DDHD1: variants seen among roughly 807,000 people sequenced by gnomAD.
The protein encoded by DDHD1 is DDHD domain containing 1.
In DDHD1, 49 loss-of-function variants were observed where a neutral mutation model predicts 96.4. That is an observed-to-expected ratio of 0.51 (90% confidence interval 0.40 to 0.64). DDHD1 has a LOEUF of 0.64. DDHD1 is among the 30% of genes least tolerant of loss of function. The probability of loss-of-function intolerance (pLI) is 0.00; values close to 1 mark genes in which losing one functional copy is unlikely to be tolerated. For missense variants in DDHD1, 1,106 were observed against 1,161.2 expected, an observed-to-expected ratio of 0.95 and a Z score of 0.69; for synonymous variants, 442 against 446.5, an observed-to-expected ratio of 0.99 and a Z score of 0.13.
intron 4 of DDHD1, among the ~76,000 whole-genome samples, chr14:53,082,610 T>C (rs1315520232): frequency 6.6e-6 from 1 of 151,724 alleles, no homozygotes. Flanking sequence ...AATACAAAAA[T>C]TAGCCGGGTG....
Position 53,152,376 on chromosome 14 carries a change from C to A in DDHD1, c.723G>T (p.Thr241=). 6.2e-7 allele frequency: 1 copy of A among 1,613,860 alleles called. No homozygotes were observed. The highest frequency in any genetic ancestry group is 2.2e-5 in the East Asian group (1 of 44,864). ...EDRACGFCQS[T]TGHEPEMVEL... Reference sequence around the variant, plus strand: ...CCACCATCTCCGGCTCGTGCCCCGTCGTACTCTGGCAGAAGCCGCAGGCGC... The same window carrying A: ...CCACCATCTCCGGCTCGTGCCCCGTAGTACTCTGGCAGAAGCCGCAGGCGC... The change falls in exon 1 of 13, where the codon ACG becomes ACT. Residue 241 remains threonine (T), a synonymous_variant. Transcript: ENST00000673822.
chr14:53,060,017 A>T (rs1028645330), intron 8 of DDHD1, among the ~76,000 whole-genome samples: 1 of 151,782 alleles, frequency 6.6e-6, no homozygotes, highest in Non-Finnish European at 1.5e-5. Flanking sequence ...TATTTTTTTT[A>T]AAAAAACACT....
Position 53,046,651 on chromosome 14 carries a change from G to T in DDHD1, c.*117C>A. On this transcript the variant is annotated 3_prime_UTR_variant, in exon 13 of 13. Coordinates refer to ENST00000673822, the MANE Select transcript of DDHD1 (RefSeq NM_001160148.2). ...AAAGTGCTTTTAAATTCAAATATAT[G>T]TTGCCCTAAAGAAAACTGAAATATA... 1.7e-6 allele frequency: 1 copy of T among 584,808 alleles called. No homozygotes were observed. Among genetic ancestry groups the T allele is most frequent in the Non-Finnish European group, 2.8e-6 (1 of 363,246 alleles). 36.2% of individuals were successfully genotyped at this position (584,808 alleles called of 1,614,324 possible).
At chr14:53,113,457 C>T (rs1475865742) in intron 1 of DDHD1, among the ~76,000 whole-genome samples, 1 of 148,600 alleles carries the variant, frequency 6.7e-6, no homozygotes, top group African/African-American at 2.5e-5. Flanking sequence ...GGAGGAGAGG[C>T]CAAGATGGCC....
intron 2 of DDHD1, 77 bp downstream of exon 2, chr14:53,103,606 A>G: frequency 8.2e-7 from 1 of 1,216,306 alleles, no homozygotes; most frequent in African/African-American, 1.6e-5. Context: ...TATTATGTCA[A>G]ATTTACAAAC....
intron 1 of DDHD1, among the ~76,000 whole-genome samples, chr14:53,133,278 T>C (rs1309808782): frequency 6.6e-6 from 1 of 152,202 alleles, no homozygotes; most frequent in Non-Finnish European, 1.5e-5. Flanking sequence ...GAAACTATAA[T>C]ACCTCTTGGT....
chr14:53,085,250 G>C (rs2139970577), intron 4 of DDHD1, among the ~76,000 whole-genome samples: 1 of 152,270 alleles, frequency 6.6e-6, no homozygotes, highest in Middle Eastern at 3.4e-3. Flanking sequence ...ATCCCTGTCT[G>C]ACAGCTCTGA....
At chr14:53,068,927 A>G (rs1041422132) in intron 6 of DDHD1, among the ~76,000 whole-genome samples, 3 of 152,082 alleles carry the variant, frequency 2.0e-5, no homozygotes, top group African/African-American at 7.2e-5. Flanking sequence ...TGGTTTTCCA[A>G]CTCCAGGATT....
chr14:53,110,436 T>G (rs958907916), intron 1 of DDHD1, among the ~76,000 whole-genome samples: 3 of 152,242 alleles, frequency 2.0e-5, no homozygotes, highest in Admixed American at 6.5e-5. Flanking sequence ...TGGTTCTTAC[T>G]TCTGTATCTT....
chr14:53,108,960 C>T (rs1327627129), intron 1 of DDHD1, among the ~76,000 whole-genome samples: 3 of 152,100 alleles, frequency 2.0e-5, no homozygotes, highest in African/African-American at 7.2e-5. Flanking sequence ...TTATATTCCT[C>T]TTAAAGTAGC....
At chr14:53,105,556 C>T (rs990774712) in intron 1 of DDHD1, among the ~76,000 whole-genome samples, 1 of 152,120 alleles carries the variant, frequency 6.6e-6, no homozygotes, top group Non-Finnish European at 1.5e-5. Flanking sequence ...CTCTGTCATA[C>T]TGAATAGTTT....
intron 12 of DDHD1, chr14:53,048,866 A>C (rs952923523): frequency 3.9e-5 from 6 of 152,246 alleles, no homozygotes; most frequent in African/African-American, 1.4e-4. Context: ...ATGAATTACA[A>C]AGGAAAAAGA....
At chr14:53,139,493 A>C (rs1890483616) in intron 1 of DDHD1, among the ~76,000 whole-genome samples, 1 of 152,176 alleles carries the variant, frequency 6.6e-6, no homozygotes. Context: ...TGGTGCACTG[A>C]TAGTAAGTAC....
At chr14:53,146,306 T>C (rs1023784460) in intron 1 of DDHD1, among the ~76,000 whole-genome samples, 5 of 151,686 alleles carry the variant, frequency 3.3e-5, no homozygotes, top group African/African-American at 4.8e-5. Flanking sequence ...GAGTTCAAGA[T>C]CAGCCTGGCC....
In DDHD1 at chr14:53,117,600, T is replaced by C. The variant is rs983882145; in HGVS notation, c.839-13744A>G. ...TGTAGCCTGGTGGGGGAAAGGGGCATCTGCCATTGCTGGGGCTTAAGTAGC... is the reference window on the plus strand; with the variant it reads ...TGTAGCCTGGTGGGGGAAAGGGGCACCTGCCATTGCTGGGGCTTAAGTAGC... On this transcript the variant is annotated intron_variant, in intron 1 of 12. Transcript: ENST00000673822. Among the ~76,000 whole-genome samples the C allele has an allele frequency of 3.9e-5, 6 of 152,038 alleles. No homozygotes were observed. The East Asian group carries it at 1.2e-3, about 29-fold the overall frequency.
chr14:53,097,897 A>G (rs1887005673), intron 2 of DDHD1, among the ~76,000 whole-genome samples: 1 of 152,008 alleles, frequency 6.6e-6, no homozygotes, highest in Admixed American at 6.6e-5. Flanking sequence ...CCAGAGAAAC[A>G]TATTTAAAAC....
chr14:53,059,673 G>C (rs1387133899), intron 8 of DDHD1, among the ~76,000 whole-genome samples: 1 of 149,168 alleles, frequency 6.7e-6, no homozygotes, highest in Non-Finnish European at 1.5e-5. Context: ...AGACCAGCCT[G>C]GCCAACATGG....
intron 1 of DDHD1, among the ~76,000 whole-genome samples, 188 bp from the exon 2 acceptor site, chr14:53,104,044 G>C (rs191710849): frequency 6.6e-6 from 1 of 152,070 alleles, no homozygotes; most frequent in Non-Finnish European, 1.5e-5. Context: ...TGTTGCCCAG[G>C]ATAGAGTGCA....
intron 1 of DDHD1, among the ~76,000 whole-genome samples, chr14:53,114,318 C>T (rs1416798723): frequency 6.6e-6 from 1 of 152,216 alleles, no homozygotes; most frequent in Non-Finnish European, 1.5e-5. Flanking sequence ...TCTTTCCTGC[C>T]TGCCGACTCT....
Sources: gnomAD v4.1 joint callset for allele counts (sites outside exome capture counted in the v4.1 genomes callset) on GRCh38, gnomAD v4.1.1 for gene constraint, MANE v1.5 for transcripts, NCBI Gene and HGNC (gene_info 2026-07-23, HGNC 2026-07-21) for gene names.